CUL3: variants seen among roughly 807,000 people sequenced by gnomAD.
The protein encoded by CUL3 is cullin 3.
CUL3 carries 19 observed loss-of-function variants against 89.1 expected under a neutral mutation model. That is an observed-to-expected ratio of 0.21 (90% confidence interval 0.15 to 0.31). The LOEUF (loss-of-function observed/expected upper bound fraction) is 0.31. Among genes scored for constraint, CUL3 ranks in the 10% least tolerant of loss-of-function variants. The probability of loss-of-function intolerance (pLI) is 1.00; values close to 1 mark genes in which losing one functional copy is unlikely to be tolerated. For missense variants in CUL3, 469 were observed against 942.3 expected (o/e 0.50, Z 6.58); for synonymous variants, 351 against 308.4 (o/e 1.14, Z -1.45).
rs114538076 is a variant in CUL3, at chr2:224,506,361, C to G, written c.1030-229G>C. On this transcript the variant is annotated intron_variant, in intron 7 of 15. Coordinates refer to ENST00000264414, the MANE Select transcript of CUL3 (RefSeq NM_003590.5). Reference sequence around the variant, plus strand: ...ATGTATTAATACAATGCAAACGAACCAAAGAACCTCCTCACTGTTTCTCAT... The same window carrying G: ...ATGTATTAATACAATGCAAACGAACGAAAGAACCTCCTCACTGTTTCTCAT... Among the ~76,000 whole-genome samples, 1,256 of 152,024 alleles carry G rather than the reference C, an allele frequency of 8.3e-3. 10 individuals are homozygous for G. Among genetic ancestry groups the G allele is most frequent in the African/African-American group, 0.029 (1,198 of 41,446 alleles).
chr2:224,478,592 A>C (rs1361121988), intron 14 of CUL3: 1 of 339,464 alleles, frequency 2.9e-6, no homozygotes, highest in African/African-American at 2.1e-5. Context: ...TGCAGAATAT[A>C]ATTTCTTACC....
chr2:224,579,660 T>C (rs1171623031), intron 1 of CUL3, among the ~76,000 whole-genome samples: 1 of 152,102 alleles, frequency 6.6e-6, no homozygotes, highest in African/African-American at 2.4e-5. Flanking sequence ...TCCTCTAGCA[T>C]TAGGGAGTGG....
chr2:224,484,594 C>G (rs1691649903), intron 13 of CUL3, among the ~76,000 whole-genome samples: 1 of 152,066 alleles, frequency 6.6e-6, no homozygotes, highest in African/African-American at 2.4e-5. Context: ...ATCTGTTAAT[C>G]TTTTCCTTTA....
chr2:224,529,807 A>G (rs532305283), intron 3 of CUL3, among the ~76,000 whole-genome samples: 2 of 152,294 alleles, frequency 1.3e-5, no homozygotes, highest in African/African-American at 4.8e-5. Flanking sequence ...AACCTGCCAA[A>G]CAACAAAGTT....
chr2:224,555,310 T>A (rs1279825041), intron 2 of CUL3, among the ~76,000 whole-genome samples: 2 of 152,186 alleles, frequency 1.3e-5, no homozygotes, highest in African/African-American at 4.8e-5. Flanking sequence ...CAGTAAGCAA[T>A]CTTTGTCTAG....
intron 2 of CUL3, among the ~76,000 whole-genome samples, chr2:224,557,230 G>T (rs1252187116): frequency 1.3e-5 from 2 of 151,966 alleles, no homozygotes; most frequent in Non-Finnish European, 2.9e-5. Context: ...ATGTACCACA[G>T]AACTCAGTTA....
chr2:224,474,474 T>TAG, intron 15 of CUL3, 98 bp from the exon 16 acceptor site: 4 of 951,702 alleles, frequency 4.2e-6, no homozygotes, highest in Middle Eastern at 2.3e-4. Flanking sequence ...AGACTGAACT[T>TAG]TACTAACTGG....
chr2:224,498,280 A>G (rs1692243878), intron 11 of CUL3, among the ~76,000 whole-genome samples: 1 of 152,212 alleles, frequency 6.6e-6, no homozygotes, highest in African/African-American at 2.4e-5. Flanking sequence ...GGAAAAGTTT[A>G]TGTAATTTTT....
chr2:224,523,602 G>A (rs1274599454), intron 3 of CUL3, among the ~76,000 whole-genome samples: 1 of 152,126 alleles, frequency 6.6e-6, no homozygotes, highest in East Asian at 1.9e-4. Flanking sequence ...ATCTTGAAGA[G>A]GTATTTGTAC....
At chr2:224,496,070 A>G (rs1559345910) in intron 12 of CUL3, 104 bp from the exon 13 acceptor site, 11 of 1,303,188 alleles carry the variant, frequency 8.4e-6, no homozygotes, top group Non-Finnish European at 1.2e-5. Flanking sequence ...TCACTTTGTC[A>G]TCCAGGCTAC....
At chr2:224,583,538 TCAA>T (rs1369746003) in intron 1 of CUL3, among the ~76,000 whole-genome samples, 2 of 152,232 alleles carry the variant, frequency 1.3e-5, no homozygotes, top group African/African-American at 4.8e-5. Flanking sequence ...TACTCGCTTG[TCAA>T]CATTTCTCAC....
chr2:224,519,734 A>G (rs1466934978), intron 3 of CUL3, among the ~76,000 whole-genome samples: 1 of 152,196 alleles, frequency 6.6e-6, no homozygotes, highest in African/African-American at 2.4e-5. Flanking sequence ...ATTTGTGTGC[A>G]TATGTTAAAC....
chr2:224,561,184 T>C (rs1694890057), intron 1 of CUL3, among the ~76,000 whole-genome samples: 1 of 152,204 alleles, frequency 6.6e-6, no homozygotes. Flanking sequence ...GATCTTTTTT[T>C]CACTGCCAAA....
chr2:224,511,345 A>G lies in CUL3; in HGVS notation c.883+9T>C, dbSNP rs774051914. On this transcript the variant is annotated intron_variant, in intron 6 of 15. Coordinates refer to ENST00000264414, the MANE Select transcript of CUL3 (RefSeq NM_003590.5). The stretch of plus-strand genomic sequence containing the variant: ...AGGATTTAATTATTTTTCAATCGGT[A>G]ACACTTACCTTCTGTCTTTCCATTT... The G allele has an allele frequency of 6.4e-7, 1 of 1,557,140 alleles. No homozygotes were observed. Among genetic ancestry groups the G allele is most frequent in the Non-Finnish European group, 8.8e-7 (1 of 1,139,814 alleles).
intron 2 of CUL3, among the ~76,000 whole-genome samples, chr2:224,540,216 C>T (rs1171086196): frequency 6.6e-6 from 1 of 152,036 alleles, no homozygotes; most frequent in East Asian, 1.9e-4. Flanking sequence ...GCCACCACAC[C>T]TGGCTAATTT....
chr2:224,584,291 C>T (rs918350020), intron 1 of CUL3, among the ~76,000 whole-genome samples: 5 of 152,162 alleles, frequency 3.3e-5, no homozygotes, highest in African/African-American at 1.2e-4. Flanking sequence ...CCCCCCCACC[C>T]GGCCTTCCTC....
chr2:224,514,547 A>G, intron 4 of CUL3, 65 bp downstream of exon 4: 13 of 1,310,008 alleles, frequency 9.9e-6, no homozygotes, highest in Non-Finnish European at 1.3e-5. Flanking sequence ...AAACTAAGAC[A>G]GTGAATCGTT....
chr2:224,481,492 T>C (rs546541624), intron 14 of CUL3, among the ~76,000 whole-genome samples: 114 of 152,176 alleles, frequency 7.5e-4, no homozygotes, highest in Middle Eastern at 6.8e-3. Context: ...TTTATCAAAA[T>C]ATAAATAGCA....
At chr2:224,577,049 A>C (rs1383162946) in intron 1 of CUL3, among the ~76,000 whole-genome samples, 2 of 152,256 alleles carry the variant, frequency 1.3e-5, no homozygotes, top group Non-Finnish European at 2.9e-5. Flanking sequence ...GGATCGCTAA[A>C]ATAAGTGTAT....
Sources: gnomAD v4.1 joint callset for allele counts (sites outside exome capture counted in the v4.1 genomes callset) on GRCh38, gnomAD v4.1.1 for gene constraint, MANE v1.5 for transcripts, NCBI Gene and HGNC (gene_info 2026-07-23, HGNC 2026-07-21) for gene names.